The following CLYBL variants were observed in gnomAD, a reference collection of about 807,000 sequenced individuals.
CLYBL encodes the protein citramalyl-CoA lyase, also known as citramalyl-CoA lyase, mitochondrial.
Under a neutral mutation model 38.9 loss-of-function variants are expected in CLYBL, and 31 were observed. That is an observed-to-expected ratio of 0.80 (90% CI 0.60 to 1.08). The LOEUF is 1.08. Among genes scored for constraint, CLYBL ranks in the 50% least tolerant of loss-of-function variants. The probability of loss-of-function intolerance (pLI) is 0.00; values close to 1 mark genes in which losing one functional copy is unlikely to be tolerated. For synonymous variants in CLYBL, 171 were observed against 158.6 expected, an observed-to-expected ratio of 1.08 and a Z score of -0.59; for missense variants, 434 against 411.6, an observed-to-expected ratio of 1.05 and a Z score of -0.47.
chr13:99,712,704 C>G (rs2048254232), intron 1 of CLYBL, among the ~76,000 whole-genome samples: 1 of 152,076 alleles, frequency 6.6e-6, no homozygotes, highest in African/African-American at 2.4e-5. Flanking sequence ...ACAAAGTCGT[C>G]AATATTAAGC....
intron 7 of CLYBL, among the ~76,000 whole-genome samples, chr13:99,886,796 C>A (rs2052361546): frequency 6.6e-6 from 1 of 152,214 alleles, no homozygotes. Flanking sequence ...CTGGCCTTTT[C>A]TCCGATTCTT....
chr13:99,650,233 A>G (rs2047232683), intron 1 of CLYBL, among the ~76,000 whole-genome samples: 1 of 151,870 alleles, frequency 6.6e-6, no homozygotes, highest in Non-Finnish European at 1.5e-5. Flanking sequence ...ACTGCACTCC[A>G]GCCTGGGCGA....
intron 7 of CLYBL, among the ~76,000 whole-genome samples, chr13:99,883,604 G>A (rs10220015): frequency 0.042 from 6,416 of 151,908 alleles, 436 homozygotes; most frequent in African/African-American, 0.14. Flanking sequence ...AGTAGGCTGC[G>A]TGTCCTCAGG....
At position 99,777,177 on chromosome 13, in the gene CLYBL, C is replaced by T. The variant is rs148461677; in HGVS notation, c.249+4167C>T. On this transcript the variant is annotated intron_variant, in intron 2 of 8. Transcript: ENST00000339105. Reference sequence around the variant, plus strand: ...TACAGGCCACCGCACCCAGCCCCCACGCCCAACCCAGTTCGTGAATTATAC... The same window carrying T: ...TACAGGCCACCGCACCCAGCCCCCATGCCCAACCCAGTTCGTGAATTATAC... Among the ~76,000 whole-genome samples, 990 of 151,932 alleles carry T rather than the reference C, an allele frequency of 6.5e-3. 2 individuals are homozygous for T. The highest frequency in any genetic ancestry group is 0.034 in the Middle Eastern group (10 of 294).
At chr13:99,771,544 G>A (rs966499790) in intron 1 of CLYBL, among the ~76,000 whole-genome samples, 3 of 152,084 alleles carry the variant, frequency 2.0e-5, no homozygotes, top group Admixed American at 6.5e-5. Flanking sequence ...AAATTGTATC[G>A]CTCGTCCTGA....
In CLYBL at chr13:99,817,699, CTAAAG is replaced by C. The variant is rs2050488230; in HGVS notation, c.250-41156_250-41152del. On this transcript the variant is annotated intron_variant, in intron 2 of 8. Transcript: ENST00000339105. ...GAAAAGAAAAAAGAAAAGCACTGAG[CTAAAG>C]TAAAGAAAAACCACTGGGCAGGACA... 2.7e-5 allele frequency among the ~76,000 whole-genome samples: 4 copies of C among 147,274 alleles called. No homozygotes were observed. The South Asian group carries it at 8.8e-4, about 32-fold the overall frequency.
chr13:99,623,766 T>C (rs899460453), intron 1 of CLYBL, among the ~76,000 whole-genome samples: 1 of 152,010 alleles, frequency 6.6e-6, no homozygotes, highest in Non-Finnish European at 1.5e-5. Flanking sequence ...GAGACTATCC[T>C]GGCTAATACA....
chr13:99,776,134 A>T (rs540049344), intron 2 of CLYBL, among the ~76,000 whole-genome samples: 1 of 150,000 alleles, frequency 6.7e-6, no homozygotes, highest in East Asian at 2.0e-4. Context: ...ACTGCACTCC[A>T]GCCTGGGTGA....
At chr13:99,909,394 T>C (rs1247535598) in exon 10 of CLYBL, among the ~76,000 whole-genome samples, 2 of 152,224 alleles carry the variant, frequency 1.3e-5, no homozygotes, top group Non-Finnish European at 2.9e-5. Context: ...CACATACTAG[T>C]AACAAATGTA....
chr13:99,863,881 A>T (rs747211873), intron 4 of CLYBL, among the ~76,000 whole-genome samples: 1 of 152,228 alleles, frequency 6.6e-6, no homozygotes, highest in Non-Finnish European at 1.5e-5. Flanking sequence ...CAGAAAAAAC[A>T]TAGTCGAACT....
intron 1 of CLYBL, among the ~76,000 whole-genome samples, chr13:99,634,285 A>T (rs978144152): frequency 2.0e-5 from 3 of 152,166 alleles, no homozygotes; most frequent in African/African-American, 7.2e-5. Flanking sequence ...CCAAATAAAG[A>T]CCTTTATAAT....
chr13:99,722,768 G>A (rs1263446140), intron 1 of CLYBL, among the ~76,000 whole-genome samples: 2 of 152,226 alleles, frequency 1.3e-5, no homozygotes, highest in East Asian at 3.8e-4. Flanking sequence ...TTAAGTCCCA[G>A]AACAATAGGA....
chr13:99,694,611 G>C, intron 1 of CLYBL, among the ~76,000 whole-genome samples: 1 of 152,128 alleles, frequency 6.6e-6, no homozygotes. Flanking sequence ...GGTGCTCCTT[G>C]TCTCCTTGTC....
intron 2 of CLYBL, among the ~76,000 whole-genome samples, chr13:99,779,984 A>G (rs12584570): frequency 0.21 from 32,522 of 152,036 alleles, 3,647 homozygotes; most frequent in East Asian, 0.27. Context: ...AGAGTTCTAT[A>G]TATTTTCTAT....
At chr13:99,780,529 T>C (rs2049620780) in intron 2 of CLYBL, among the ~76,000 whole-genome samples, 1 of 151,682 alleles carries the variant, frequency 6.6e-6, no homozygotes, top group South Asian at 2.1e-4. Flanking sequence ...TACAGGCGCC[T>C]GCCACCACAC....
chr13:99,689,396 T>C (rs555871415), intron 1 of CLYBL, among the ~76,000 whole-genome samples: 26 of 152,298 alleles, frequency 1.7e-4, no homozygotes, highest in African/African-American at 6.3e-4. Flanking sequence ...CCAGAGAAAA[T>C]AATCTGGCTC....
intron 1 of CLYBL, among the ~76,000 whole-genome samples, chr13:99,650,840 TCACTCTCAA>T (rs1343397286): frequency 2.0e-5 from 3 of 152,162 alleles, no homozygotes; most frequent in Admixed American, 2.0e-4. Flanking sequence ...CAAGCAGCAG[TCACTCTCAA>T]CACTGAGGAA....
At chr13:99,834,083 G>C (rs1372995569) in intron 2 of CLYBL, among the ~76,000 whole-genome samples, 2 of 152,088 alleles carry the variant, frequency 1.3e-5, no homozygotes, top group Non-Finnish European at 2.9e-5. Context: ...AGAGAGGTGG[G>C]CATGGCTGAG....
intron 1 of CLYBL, among the ~76,000 whole-genome samples, chr13:99,710,245 TTTTA>T (rs2048210222): frequency 6.6e-6 from 1 of 152,052 alleles, no homozygotes. Context: ...TGACTTGTGT[TTTTA>T]TTTGTTTGTT....
Sources: allele counts gnomAD v4.1 joint callset (sites outside exome capture counted in the v4.1 genomes callset), GRCh38; gene constraint gnomAD v4.1.1; transcripts MANE v1.5; gene names NCBI Gene and HGNC (gene_info 2026-07-23, HGNC 2026-07-21).